Variants in KCND2 observed in about 807,000 individuals in gnomAD.
KCND2 encodes potassium voltage-gated channel subfamily D member 2.
In KCND2, 16 loss-of-function variants were observed where a neutral mutation model predicts 54.4. That is an observed-to-expected ratio of 0.29 (90% confidence interval 0.20 to 0.45). The LOEUF (loss-of-function observed/expected upper bound fraction) is 0.45, where lower values mean the gene tolerates loss of function less well. Ranked by LOEUF, KCND2 falls within the 20% of genes least tolerant of loss-of-function variation. The pLI is 1.00. For synonymous variants in KCND2, 317 were observed against 310.7 expected (o/e 1.02, Z -0.21); for missense variants, 486 against 824.2 (o/e 0.59, Z 5.02).
intron 1 of KCND2, among the ~76,000 whole-genome samples, chr7:120,462,505 T>G (rs1802298185): frequency 6.6e-6 from 1 of 151,998 alleles, no homozygotes; most frequent in South Asian, 2.1e-4. Context: ...CTATGATGGG[T>G]TTCTGGCCAA....
At chr7:120,555,021 A>C (rs539662447) in intron 1 of KCND2, among the ~76,000 whole-genome samples, 1 of 152,304 alleles carries the variant, frequency 6.6e-6, no homozygotes, top group East Asian at 1.9e-4. Flanking sequence ...CTCTGCTTTC[A>C]CTATAATCTG....
In KCND2 at chr7:120,469,331, C is replaced by T. The variant is rs1369641032; in HGVS notation, c.1115+193584C>T. ...AAAATGGAATTCATGATTTCATCCA[C>T]GAGTGGCATATTTAAATTCTGCTCA... is the stretch of plus-strand genomic sequence containing the variant. On this transcript the variant is annotated intron_variant, in intron 1 of 5. Coordinates refer to ENST00000331113, the MANE Select transcript of KCND2 (RefSeq NM_012281.3). 3.9e-5 allele frequency among the ~76,000 whole-genome samples: 6 copies of T among 152,194 alleles called. No homozygotes were observed. The South Asian group carries it at 6.2e-4, about 16-fold the overall frequency.
intron 1 of KCND2, among the ~76,000 whole-genome samples, chr7:120,317,162 T>C (rs1348032467): frequency 6.6e-6 from 1 of 152,094 alleles, no homozygotes; most frequent in Non-Finnish European, 1.5e-5. Flanking sequence ...TTATGAATCA[T>C]TTATATATTC....
rs564119896 is a variant in KCND2 at position 120,494,765 on chromosome 7, G to A, written c.1115+219018G>A. 1.4e-4 allele frequency among the ~76,000 whole-genome samples: 22 copies of A among 152,158 alleles called. No homozygotes were observed. The South Asian group carries it at 4.6e-3, about 32-fold the overall frequency. ...TACTATTTTATTTTTCAGTGTTCTGGACTAATGCATCTTTATGGAAAATGA... is the reference window on the plus strand; with the variant it reads ...TACTATTTTATTTTTCAGTGTTCTGAACTAATGCATCTTTATGGAAAATGA... On this transcript the variant is annotated intron_variant, in intron 1 of 5. Coordinates refer to ENST00000331113, the MANE Select transcript of KCND2 (RefSeq NM_012281.3).
intron 1 of KCND2, among the ~76,000 whole-genome samples, chr7:120,544,813 A>G (rs1792023874): frequency 1.3e-5 from 2 of 151,952 alleles, no homozygotes; most frequent in African/African-American, 2.4e-5. Context: ...TAATTCATTA[A>G]TGTGGGAGTT....
chr7:120,563,417 A>G (rs1157571240), intron 1 of KCND2, among the ~76,000 whole-genome samples: 1 of 152,030 alleles, frequency 6.6e-6, no homozygotes, highest in Non-Finnish European at 1.5e-5. Flanking sequence ...ATTCAGTTCT[A>G]CTTGTGTATA....
intron 1 of KCND2, among the ~76,000 whole-genome samples, chr7:120,623,626 T>C (rs1423187735): frequency 2.0e-5 from 3 of 152,222 alleles, no homozygotes; most frequent in Non-Finnish European, 2.9e-5. Flanking sequence ...TCTATAGCAC[T>C]TAGCACAATG....
chr7:120,742,967 G>T (rs545770079), intron 4 of KCND2, among the ~76,000 whole-genome samples: 1 of 151,990 alleles, frequency 6.6e-6, no homozygotes, highest in East Asian at 1.9e-4. Flanking sequence ...GTGCTCGAGG[G>T]TCCCTAGCAT....
At chr7:120,573,765 A>G (rs1465405218) in intron 1 of KCND2, among the ~76,000 whole-genome samples, 2 of 152,146 alleles carry the variant, frequency 1.3e-5, no homozygotes, top group African/African-American at 4.8e-5. Flanking sequence ...AGATATAGTC[A>G]CAAAGTACTA....
At chr7:120,552,714 G>C (rs1792117783) in intron 1 of KCND2, among the ~76,000 whole-genome samples, 1 of 152,066 alleles carries the variant, frequency 6.6e-6, no homozygotes, top group Non-Finnish European at 1.5e-5. Flanking sequence ...CTCACACGAG[G>C]GTCACTCCAG....
chr7:120,464,628 A>T (rs1344299430), intron 1 of KCND2, among the ~76,000 whole-genome samples: 2 of 152,188 alleles, frequency 1.3e-5, no homozygotes, highest in Non-Finnish European at 2.9e-5. Context: ...GCTAACAAAA[A>T]TTTTGGCTAA....
At chr7:120,648,695 T>C (rs1328472296) in intron 1 of KCND2, among the ~76,000 whole-genome samples, 1 of 152,234 alleles carries the variant, frequency 6.6e-6, no homozygotes, top group Non-Finnish European at 1.5e-5. Context: ...GGTATTTTCC[T>C]TAAGCCTATT....
At chr7:120,430,616 G>T (rs900390860) in intron 1 of KCND2, among the ~76,000 whole-genome samples, 6 of 151,896 alleles carry the variant, frequency 4.0e-5, no homozygotes, top group Non-Finnish European at 8.8e-5. Context: ...CCTAGCACTT[G>T]TTCAATTTTG....
chr7:120,395,548 T>G (rs961173513), intron 1 of KCND2, among the ~76,000 whole-genome samples: 2 of 152,060 alleles, frequency 1.3e-5, no homozygotes, highest in African/African-American at 4.8e-5. Context: ...GAGAAGCAAT[T>G]GTTATTGAAC....
chr7:120,398,734 C>T (rs1175823159), intron 1 of KCND2, among the ~76,000 whole-genome samples: 1 of 152,030 alleles, frequency 6.6e-6, no homozygotes, highest in Non-Finnish European at 1.5e-5. Context: ...CCACACCTTG[C>T]TAAGAAGTTC....
At position 120,393,318 on chromosome 7, in the gene KCND2, A is replaced by G. The variant is rs1188594113; in HGVS notation, c.1115+117571A>G. Among the ~76,000 whole-genome samples, 6 of 152,172 alleles carry G rather than the reference A, an allele frequency of 3.9e-5. No homozygotes were observed. In the East Asian group the frequency reaches 5.8e-4, roughly 15 times the overall value. ...TATTGCCTAGCACAATACCAAACTC[A>G]TCGGGAGCACCATTAATGTTAGTTC... On this transcript the variant is annotated intron_variant, in intron 1 of 5. Coordinates refer to ENST00000331113, the MANE Select transcript of KCND2 (RefSeq NM_012281.3).
chr7:120,282,493 C>A (rs930060968), intron 1 of KCND2, among the ~76,000 whole-genome samples: 1 of 152,002 alleles, frequency 6.6e-6, no homozygotes, highest in Non-Finnish European at 1.5e-5. Flanking sequence ...TCTAGCATAA[C>A]GCAATCCATT....
At chr7:120,580,024 C>T (rs1204466999) in intron 1 of KCND2, among the ~76,000 whole-genome samples, 1 of 152,208 alleles carries the variant, frequency 6.6e-6, no homozygotes, top group East Asian at 1.9e-4. Flanking sequence ...ATCTCTCACA[C>T]TTCCCTTGAT....
chr7:120,511,401 GGTTTTGTTTACTAGA>G (rs1356794950), intron 1 of KCND2, among the ~76,000 whole-genome samples: 1 of 151,998 alleles, frequency 6.6e-6, no homozygotes, highest in East Asian at 1.9e-4. Context: ...GACAGAGACT[GGTTTTGTTTACTAGA>G]TATCTCTAGC....
Sources: gnomAD v4.1 joint callset for allele counts (sites outside exome capture counted in the v4.1 genomes callset) on GRCh38, gnomAD v4.1.1 for gene constraint, MANE v1.5 for transcripts, NCBI Gene and HGNC (gene_info 2026-07-23, HGNC 2026-07-21) for gene names.